The following HDAC4 variants were observed in gnomAD, a reference collection of about 807,000 sequenced individuals.
HDAC4 encodes histone deacetylase A.
In HDAC4, 16 loss-of-function variants were observed where a neutral mutation model predicts 135.1. The observed-to-expected ratio is 0.12, with a 90% CI of 0.08 to 0.18. The LOEUF is 0.18. Ranked by LOEUF, HDAC4 falls within the 10% of genes least tolerant of loss-of-function variation. HDAC4 has a pLI of 1.00. For missense variants in HDAC4, 1,143 were observed against 1,511.8 expected (o/e 0.76, Z 4.05); for synonymous variants, 685 against 653.4 (o/e 1.05, Z -0.74).
At position 239,183,082 on chromosome 2, in the gene HDAC4, T is replaced by C. The variant is rs548891808; in HGVS notation, c.340-6519A>G. On this transcript the variant is annotated intron_variant, in intron 4 of 26. Coordinates refer to ENST00000543185, the MANE Select transcript of HDAC4 (RefSeq NM_001378414.1). ...GAAGCAATTTTTTGCAGACTGAAACTATAATGAGCAATTTAAAATAAGATG... is the reference window on the plus strand; with the variant it reads ...GAAGCAATTTTTTGCAGACTGAAACCATAATGAGCAATTTAAAATAAGATG... Among the ~76,000 whole-genome samples, 5 of 152,342 alleles carry C rather than the reference T, an allele frequency of 3.3e-5. No individual in the cohort carries two copies. The South Asian group carries it at 1.0e-3, about 32-fold the overall frequency.
At chr2:239,258,295 C>A (rs2049157461) in intron 2 of HDAC4, among the ~76,000 whole-genome samples, 1 of 151,404 alleles carries the variant, frequency 6.6e-6, no homozygotes, top group Non-Finnish European at 1.5e-5. Context: ...CAGGCAGACA[C>A]AGGAAAGGAG....
chr2:239,073,114 G>T (rs1293766767), intron 22 of HDAC4, among the ~76,000 whole-genome samples: 1 of 152,184 alleles, frequency 6.6e-6, no homozygotes, highest in East Asian at 1.9e-4. Flanking sequence ...CTCCAAACAT[G>T]CGTCAAATCC....
intron 1 of HDAC4, among the ~76,000 whole-genome samples, chr2:239,390,020 G>A (rs542875348): frequency 2.7e-4 from 41 of 152,316 alleles, no homozygotes; most frequent in African/African-American, 8.4e-4. Context: ...TGGGAGCAGC[G>A]GGCAGGGCCT....
chr2:239,265,620 A>C (rs1283038322), intron 2 of HDAC4, among the ~76,000 whole-genome samples: 1 of 152,182 alleles, frequency 6.6e-6, no homozygotes, highest in East Asian at 1.9e-4. Context: ...CAAAGGACAG[A>C]GCAGGAACAC....
chr2:239,124,525 T>A (rs994984352), intron 12 of HDAC4, among the ~76,000 whole-genome samples: 1 of 152,192 alleles, frequency 6.6e-6, no homozygotes, highest in Non-Finnish European at 1.5e-5. Flanking sequence ...CATTCCGGCG[T>A]GCCGGCGTGT....
rs78034486 is a variant in HDAC4, at chr2:239,360,166, C to T, written c.-219-7248G>A. Among the ~76,000 whole-genome samples, 318 of 152,314 alleles carry T rather than the reference C, an allele frequency of 2.1e-3. 1 individual carries two copies. The highest frequency in any genetic ancestry group is 7.4e-3 in the African/African-American group (308 of 41,576). ...ACACCTGATGGCCTGCGCTGAGCCA[C>T]AGCCCTTGACCAGGGAAGCCAGGAC... On this transcript the variant is annotated intron_variant, in intron 1 of 26. Coordinates refer to ENST00000543185, the MANE Select transcript of HDAC4 (RefSeq NM_001378414.1).
chr2:239,122,413 G>A (rs984270030), intron 12 of HDAC4, among the ~76,000 whole-genome samples: 10 of 152,208 alleles, frequency 6.6e-5, no homozygotes, highest in African/African-American at 2.4e-4. Flanking sequence ...AAGTCCGGAC[G>A]TGGCCAGCGA....
At position 239,066,575 on chromosome 2, in the gene HDAC4, G is replaced by T. The variant is rs185821659; in HGVS notation, c.3003+147C>A. 1,596 of 1,010,896 alleles carry T rather than the reference G, an allele frequency of 1.6e-3. 5 individuals are homozygous for T. The highest frequency in any genetic ancestry group is 2.1e-3 in the Non-Finnish European group (1,340 of 646,620). The allele number at this position is 1,010,896 out of a possible 1,614,324, so 62.6% of individuals were successfully genotyped here. A position where few individuals can be genotyped will look rare whatever the true frequency, so the allele number is the denominator to read the frequency against. On this transcript the variant is annotated intron_variant, in intron 24 of 26. Coordinates refer to ENST00000543185, the MANE Select transcript of HDAC4 (RefSeq NM_001378414.1). ...GCCACATTTAGAGCTATGCGGGGGT[G>T]GGGGGCAGGTGCAAGGCGGAGCTGC... is the stretch of plus-strand genomic sequence containing the variant.
intron 3 of HDAC4, among the ~76,000 whole-genome samples, chr2:239,222,725 T>C (rs926314816): frequency 6.6e-6 from 1 of 152,142 alleles, no homozygotes; most frequent in Non-Finnish European, 1.5e-5. Context: ...GCAAAAGCAA[T>C]TGAATAGAAA....
At chr2:239,271,907 A>G (rs1395875271) in intron 2 of HDAC4, among the ~76,000 whole-genome samples, 1 of 152,178 alleles carries the variant, frequency 6.6e-6, no homozygotes, top group African/African-American at 2.4e-5. Context: ...ATGCTGCCAT[A>G]CTCAACAAGA....
chr2:239,383,234 A>G (rs77887159), intron 1 of HDAC4, among the ~76,000 whole-genome samples: 1,823 of 152,234 alleles, frequency 0.012, 30 homozygotes, highest in African/African-American at 0.041. Context: ...CACAGGGGGA[A>G]TCCTCCACCA....
rs747815169 is a variant in HDAC4 at position 239,108,119 on chromosome 2, G to C, written c.2043C>G (p.Pro681=). The change falls in exon 15 of 27, where the codon CCC becomes CCG. Residue 681 remains proline (P), a synonymous_variant. Coordinates refer to ENST00000543185, the MANE Select transcript of HDAC4 (RefSeq NM_001378414.1). ...QCTCGSSSSH[P]EHAGRIQSIW... ...TGCTCTGGATCCTCCCGGCGTGCTC[G>C]GGGTGGCTGCTGCTACTCCCGCAGG... The C allele has an allele frequency of 2.1e-5, 34 of 1,609,170 alleles. No individual in the cohort carries two copies. In the South Asian group the frequency reaches 3.8e-4, roughly 18 times the overall value.
At chr2:239,272,272 T>C (rs2050100370) in intron 2 of HDAC4, among the ~76,000 whole-genome samples, 1 of 152,290 alleles carries the variant, frequency 6.6e-6, no homozygotes, top group Non-Finnish European at 1.5e-5. Context: ...TAAATGTCTC[T>C]GATAGGACAC....
intron 2 of HDAC4, among the ~76,000 whole-genome samples, chr2:239,261,219 A>T (rs2049344995): frequency 6.6e-6 from 1 of 152,218 alleles, no homozygotes; most frequent in Admixed American, 6.5e-5. Context: ...CAGAAAATCA[A>T]GAAACGTGCA....
intron 19 of HDAC4, among the ~76,000 whole-genome samples, chr2:239,086,380 C>T (rs1451457634): frequency 2.0e-5 from 3 of 149,976 alleles, no homozygotes; most frequent in Non-Finnish European, 2.9e-5. Flanking sequence ...AGAATCTGCT[C>T]TAACACGCGG....
intron 4 of HDAC4, among the ~76,000 whole-genome samples, chr2:239,185,407 A>T (rs1297500168): frequency 6.8e-6 from 1 of 148,000 alleles, no homozygotes; most frequent in Non-Finnish European, 1.5e-5. Flanking sequence ...TCCTGGGGAG[A>T]GGTGTACCCT....
At chr2:239,129,903 G>A (rs780883734) in intron 11 of HDAC4, among the ~76,000 whole-genome samples, 6 of 152,140 alleles carry the variant, frequency 3.9e-5, no homozygotes, top group Non-Finnish European at 8.8e-5. Context: ...CACCAGGTAT[G>A]GGGATTTAAG....
At chr2:239,361,176 T>G (rs1313574892) in intron 1 of HDAC4, among the ~76,000 whole-genome samples, 1 of 152,158 alleles carries the variant, frequency 6.6e-6, no homozygotes, top group African/African-American at 2.4e-5. Flanking sequence ...GAATGTGACC[T>G]CCTGCTGCAC....
chr2:239,162,434 C>T, intron 6 of HDAC4: 1 of 434,394 alleles, frequency 2.3e-6, no homozygotes, highest in Admixed American at 2.4e-5. Context: ...TCCTTCTGCC[C>T]TGCAACCCCA....
Sources: allele counts gnomAD v4.1 joint callset (sites outside exome capture counted in the v4.1 genomes callset), GRCh38; gene constraint gnomAD v4.1.1; transcripts MANE v1.5; gene names NCBI Gene and HGNC (gene_info 2026-07-23, HGNC 2026-07-21).